UNC80: variants seen among roughly 807,000 people sequenced by gnomAD.
UNC80 encodes protein unc-80 homolog.
A neutral mutation model predicts 384.6 loss-of-function variants in UNC80; 164 were observed. The observed-to-expected ratio is 0.43, with a 90% CI of 0.38 to 0.49. The LOEUF is 0.49. Ranked by LOEUF, UNC80 falls within the 20% of genes least tolerant of loss-of-function variation. UNC80 has a pLI of 0.00. For missense variants in UNC80, 3,330 were observed against 4,143.0 expected (o/e 0.80, Z 5.39); for synonymous variants, 1,486 against 1,527.8 (o/e 0.97, Z 0.64).
intron 22 of UNC80, among the ~76,000 whole-genome samples, chr2:209,860,992 A>G (rs528930626): frequency 6.6e-6 from 1 of 152,350 alleles, no homozygotes; most frequent in South Asian, 2.1e-4. Context: ...TGTCGTCTGC[A>G]AACAATGACA....
At chr2:209,777,227 C>CT in intron 3 of UNC80, 31 bp from the exon 4 acceptor site, 3 of 1,542,038 alleles carry the variant, frequency 1.9e-6, no homozygotes, top group Non-Finnish European at 2.6e-6. Context: ...CAGAGTTTTT[C>CT]TTAACCTGCC....
chr2:209,984,799 T>A, intron 60 of UNC80, 57 bp from the exon 61 acceptor site: 2 of 1,466,472 alleles, frequency 1.4e-6, no homozygotes, highest in Non-Finnish European at 1.8e-6. Context: ...TTTTCTTTTT[T>A]CTTTTTTTTT....
At chr2:209,896,235 A>G in intron 27 of UNC80, 78 bp from the exon 28 acceptor site, 1 of 1,305,232 alleles carries the variant, frequency 7.7e-7, no homozygotes, top group South Asian at 1.3e-5. Flanking sequence ...ATTCAGAAGC[A>G]TGGACAACTG....
At chr2:209,906,134 G>GA (rs1574966020) in intron 29 of UNC80, among the ~76,000 whole-genome samples, 1 of 152,154 alleles carries the variant, frequency 6.6e-6, no homozygotes, top group Non-Finnish European at 1.5e-5. Context: ...TTGGCCTGGG[G>GA]AGGGGGTAAG....
intron 60 of UNC80, among the ~76,000 whole-genome samples, chr2:209,983,128 A>G (rs1177960794): frequency 6.6e-6 from 1 of 152,194 alleles, no homozygotes; most frequent in Non-Finnish European, 1.5e-5. Flanking sequence ...TAATACCTAT[A>G]GATTCATTGT....
At chr2:209,809,425 A>AG (rs1158908317) in intron 7 of UNC80, 65 of 1,456,706 alleles carry the variant, frequency 4.5e-5, no homozygotes, top group Non-Finnish European at 5.9e-5. Flanking sequence ...TACCCACTGC[A>AG]GCCGTGCCTT....
chr2:209,818,071 C>A, intron 11 of UNC80, 119 bp downstream of exon 11: 3 of 1,287,024 alleles, frequency 2.3e-6, no homozygotes, highest in Non-Finnish European at 3.2e-6. Context: ...AACTGGCATT[C>A]TTGTGCTGAA....
chr2:209,941,514 C>T lies in UNC80; in HGVS notation c.6915+25C>T. 3 of 1,514,488 alleles carry T rather than the reference C, an allele frequency of 2.0e-6. No individual in the cohort carries two copies. The South Asian group carries it at 3.7e-5, about 19-fold the overall frequency. The allele number at this position is 1,514,488 out of a possible 1,614,324, so 93.8% of individuals were successfully genotyped here. Reference sequence around the variant, plus strand: ...GGTGCCCAGAACCTCCTCTCCCAACCAGAAAATTAACATGAGTACTGCTCA... The same window carrying T: ...GGTGCCCAGAACCTCCTCTCCCAACTAGAAAATTAACATGAGTACTGCTCA... On this transcript the variant is annotated intron_variant, in intron 44 of 64. Coordinates refer to ENST00000673920, the MANE Select transcript of UNC80 (RefSeq NM_001371986.1).
At position 209,840,560 on chromosome 2, in the gene UNC80, C is replaced by T. The variant is rs1470550567; in HGVS notation, c.3269C>T (p.Ser1090Leu). The T allele has an allele frequency of 1.3e-6, 2 of 1,551,752 alleles. No individual in the cohort carries two copies. The highest frequency in any genetic ancestry group is 1.7e-6 in the Non-Finnish European group (2 of 1,146,956). ...KLPIGNWLKR[S>L]SLSGLADGVE... The stretch of plus-strand genomic sequence containing the variant: ...TAAATAGGGAACTGGCTGAAGAGAT[C>T]ATCCCTCTCAGGCCTGGCAGATGGT... The change falls in exon 20 of 65, where the codon TCA (serine) becomes TTA (leucine). Residue 1090 changes from serine to leucine, a missense_variant. Physicochemically the swap from Ser to Leu is moderately radical, Grantham distance 145 (BLOSUM62 -2). This residue lies in a region of UNC80 where 801 missense variants were observed against 950.8 expected (regional missense o/e 0.84). Coordinates refer to ENST00000673920, the MANE Select transcript of UNC80 (RefSeq NM_001371986.1).
At chr2:209,969,996 G>T in intron 53 of UNC80, 105 bp downstream of exon 53, 1 of 1,422,910 alleles carries the variant, frequency 7.0e-7, no homozygotes, top group Non-Finnish European at 9.4e-7. Context: ...GCCCCTATCT[G>T]CCCATGAAAA....
chr2:209,946,505 T>C (rs1477968976), intron 47 of UNC80, among the ~76,000 whole-genome samples: 3 of 152,246 alleles, frequency 2.0e-5, no homozygotes, highest in African/African-American at 7.2e-5. Flanking sequence ...GTGCAGATGC[T>C]AAGGTATTTA....
chr2:209,831,148 G>A (rs577460857), intron 15 of UNC80, among the ~76,000 whole-genome samples: 1 of 149,792 alleles, frequency 6.7e-6, no homozygotes, highest in South Asian at 2.1e-4. Flanking sequence ...ACTACTCTAA[G>A]CCTAAAAATC....
intron 22 of UNC80, among the ~76,000 whole-genome samples, chr2:209,871,560 T>G (rs1288286651): frequency 6.6e-6 from 1 of 152,200 alleles, no homozygotes; most frequent in Non-Finnish European, 1.5e-5. Context: ...AATCTGTGGT[T>G]ACTGAGTAAC....
chr2:209,813,816 C>CA lies in UNC80; in HGVS notation c.1176dup (p.Leu393ThrfsTer15). 6.4e-7 allele frequency: 1 copy of CA among 1,551,970 alleles called. No homozygotes were observed. The highest frequency in any genetic ancestry group is 1.2e-5 in the South Asian group (1 of 84,034). ...AGCTCCATGGTGGCAGCAGCTCCCT[C>CA]ACTAGTGAACACCCACAAAACCCAA... On this transcript the variant is annotated frameshift_variant, in exon 8 of 65. Transcript: ENST00000673920. LOFTEE classifies it high-confidence loss of function.
At chr2:209,913,772 T>C in intron 30 of UNC80, 30 bp from the exon 31 acceptor site, 2 of 1,531,204 alleles carry the variant, frequency 1.3e-6, no homozygotes, top group South Asian at 1.2e-5. Flanking sequence ...TCTTAAAAGA[T>C]TTTAAAACAT....
In UNC80 at chr2:209,837,826, C is replaced by T. The variant is rs2081433968; in HGVS notation, c.3042-1396C>T. 2.7e-5 allele frequency among the ~76,000 whole-genome samples: 4 copies of T among 150,676 alleles called. No individual in the cohort carries two copies. In the South Asian group the frequency reaches 8.4e-4, roughly 32 times the overall value. ...TCGCTCTTTCGCCCAGGCCAGAGTGCAGTGGCGCTATCTCGGCTCACTGCA... is the reference window on the plus strand; with the variant it reads ...TCGCTCTTTCGCCCAGGCCAGAGTGTAGTGGCGCTATCTCGGCTCACTGCA... On this transcript the variant is annotated intron_variant, in intron 18 of 64. Transcript: ENST00000673920.
intron 36 of UNC80, among the ~76,000 whole-genome samples, chr2:209,929,543 CTG>C (rs1177209963): frequency 6.6e-6 from 1 of 152,132 alleles, no homozygotes; most frequent in Non-Finnish European, 1.5e-5. Context: ...TAAAATATGA[CTG>C]TAATTTAATA....
At chr2:209,881,945 C>T (rs2085327801) in intron 25 of UNC80, among the ~76,000 whole-genome samples, 1 of 151,110 alleles carries the variant, frequency 6.6e-6, no homozygotes, top group Non-Finnish European at 1.5e-5. Flanking sequence ...TTACAATCCA[C>T]AATCCACCAC....
intron 26 of UNC80, among the ~76,000 whole-genome samples, chr2:209,891,274 G>A (rs1210534268): frequency 6.6e-6 from 1 of 152,000 alleles, no homozygotes; most frequent in African/African-American, 2.4e-5. Flanking sequence ...GCCAAAAGAG[G>A]CCATGTTGCA....
Sources: allele counts gnomAD v4.1 joint callset (sites outside exome capture counted in the v4.1 genomes callset), GRCh38; gene constraint gnomAD v4.1.1; regional missense constraint gnomAD v4.1.1; transcripts MANE v1.5; gene names NCBI Gene and HGNC (gene_info 2026-07-23, HGNC 2026-07-21).